Variants in GIMAP8 observed in about 807,000 individuals in gnomAD.
GIMAP8 encodes GTPase IMAP family member 8.
A neutral mutation model predicts 35.6 loss-of-function variants in GIMAP8; 29 were observed. That is an observed-to-expected ratio of 0.81 (90% CI 0.61 to 1.11). The LOEUF is 1.11. GIMAP8 is among the 50% of genes most tolerant of loss of function. The pLI, the probability that GIMAP8 is intolerant of heterozygous loss-of-function variation, is 0.00. For synonymous variants in GIMAP8, 335 were observed against 308.7 expected (o/e 1.09, Z -0.89); for missense variants, 811 against 805.0 (o/e 1.01, Z -0.09).
At chr7:150,471,300 C>T (rs1802084535) in intron 3 of GIMAP8, among the ~76,000 whole-genome samples, 1 of 152,206 alleles carries the variant, frequency 6.6e-6, no homozygotes, top group Non-Finnish European at 1.5e-5. Context: ...ATGATAGATC[C>T]TGCACATCTG....
intron 1 of GIMAP8, among the ~76,000 whole-genome samples, chr7:150,459,768 A>G (rs1801807022): frequency 6.6e-6 from 1 of 152,156 alleles, no homozygotes; most frequent in African/African-American, 2.4e-5. Flanking sequence ...TTTGCTGTGA[A>G]GTGAGTTCCT....
At chr7:150,462,976 A>C (rs1462312009) in intron 1 of GIMAP8, among the ~76,000 whole-genome samples, 1 of 152,144 alleles carries the variant, frequency 6.6e-6, no homozygotes, top group Non-Finnish European at 1.5e-5. Context: ...TCAAAATTCA[A>C]GTATTTGTTT....
Position 150,472,220 on chromosome 7 carries a change from A to G in GIMAP8, c.682+1346A>G, listed in dbSNP as rs1379129788. ...TTTTTATAGGATGTGGGCTCATGTT[A>G]GGTGATTCTGAGGAAGGTTCCAGGA... On this transcript the variant is annotated intron_variant, in intron 3 of 4. Transcript: ENST00000307271. This position sits in a 1 kb window ranked among gnomAD's most constrained non-coding sequence, Gnocchi z 4.1. Among the ~76,000 whole-genome samples the G allele has an allele frequency of 6.6e-6, 1 of 152,172 alleles. No individual in the cohort carries two copies. The highest frequency in any genetic ancestry group is 1.5e-5 in the Non-Finnish European group (1 of 68,014).
At chr7:150,473,542 G>A (rs772685674) in intron 3 of GIMAP8, among the ~76,000 whole-genome samples, 3 of 147,992 alleles carry the variant, frequency 2.0e-5, no homozygotes, top group South Asian at 2.2e-4. Flanking sequence ...TTTACTTAGC[G>A]TGTTTTTTTG....
rs1801613349 is a variant in GIMAP8 at position 150,451,714 on chromosome 7, A to G, written c.-29+539A>G. On this transcript the variant is annotated intron_variant, in intron 1 of 4. Transcript: ENST00000307271. This position sits in a 1 kb window ranked among gnomAD's most constrained non-coding sequence, Gnocchi z 4.1. ...CCTCCCGCAAAGCAGGGGGTGGGGG[A>G]TGCTGATTTTTCCACGTCTGCTTTT... is the stretch of plus-strand genomic sequence containing the variant. Among the ~76,000 whole-genome samples, 2 of 152,124 alleles carry G rather than the reference A, an allele frequency of 1.3e-5. No homozygotes were observed. The highest frequency in any genetic ancestry group is 4.2e-4 in the South Asian group (2 of 4,816).
chr7:150,466,733 G>A lies in GIMAP8; in HGVS notation c.35G>A (p.Arg12Gln), dbSNP rs762686337. Residue 12 changes from arginine to glutamine, a missense_variant, in exon 2 of 5, where the codon CGG (arginine) becomes CAG (glutamine). Coordinates refer to ENST00000307271, the MANE Select transcript of GIMAP8 (RefSeq NM_175571.4). ...CAGAGCTGCCAGATGTCCGAACTGC[G>A]GCTCCTCCTCCTGGGAAAATGCCGC... ...SEQSCQMSELRLLLLGKCRSG... is the reference protein window; with the variant it reads ...SEQSCQMSELQLLLLGKCRSG... 22 of 1,614,098 alleles carry A rather than the reference G, an allele frequency of 1.4e-5. No individual in the cohort carries two copies. Among genetic ancestry groups the A allele is most frequent in the East Asian group, 4.5e-5 (2 of 44,900 alleles).
intron 1 of GIMAP8, among the ~76,000 whole-genome samples, chr7:150,461,630 G>A (rs1335621596): frequency 6.6e-6 from 1 of 152,044 alleles, no homozygotes; most frequent in Non-Finnish European, 1.5e-5. Context: ...TTTCTTGTAA[G>A]CAGCATATAG....
intron 1 of GIMAP8, among the ~76,000 whole-genome samples, chr7:150,465,550 T>G (rs770165742): frequency 6.6e-6 from 1 of 152,220 alleles, no homozygotes; most frequent in Non-Finnish European, 1.5e-5. Context: ...GCAGGATGAC[T>G]GAACAGGTAC....
chr7:150,456,734 A>G (rs959757305), intron 1 of GIMAP8, among the ~76,000 whole-genome samples: 2 of 152,226 alleles, frequency 1.3e-5, no homozygotes, highest in Non-Finnish European at 2.9e-5. Context: ...GCGATGTGTA[A>G]AAGAGAAGGG....
intron 3 of GIMAP8, among the ~76,000 whole-genome samples, chr7:150,471,579 G>C (rs1340243992): frequency 6.6e-6 from 1 of 152,196 alleles, no homozygotes; most frequent in East Asian, 1.9e-4. Flanking sequence ...GCTCATGCCT[G>C]TAATCCCAGC....
At position 150,477,149 on chromosome 7, in the gene GIMAP8, A is replaced by G; in HGVS notation, c.1367A>G (p.Asn456Ser). 6.2e-7 allele frequency: 1 copy of G among 1,613,356 alleles called. No homozygotes were observed. The highest frequency in any genetic ancestry group is 1.3e-5 in the African/African-American group (1 of 74,814). ...RSGTGKSATGNSILGSLVFTS... is the reference protein window; with the variant it reads ...RSGTGKSATGSSILGSLVFTS... The stretch of plus-strand genomic sequence containing the variant: ...GGGACTGGGAAGAGTGCGACCGGGA[A>G]CTCTATCCTGGGGAGCCTCGTCTTC... The change falls in exon 5 of 5, where the codon AAC becomes AGC. Residue 456 changes from asparagine to serine, a missense_variant. By Grantham distance (46) the Asn-to-Ser change is conservative (BLOSUM62 1). Coordinates refer to ENST00000307271, the MANE Select transcript of GIMAP8 (RefSeq NM_175571.4).
intron 2 of GIMAP8, among the ~76,000 whole-genome samples, chr7:150,469,060 G>C (rs1480296672): frequency 1.3e-5 from 2 of 152,166 alleles, no homozygotes; most frequent in Non-Finnish European, 2.9e-5. Context: ...ATGCTCCAGT[G>C]ACTTCCTGCT....
At chr7:150,457,583 G>T (rs531332828) in intron 1 of GIMAP8, among the ~76,000 whole-genome samples, 2 of 152,286 alleles carry the variant, frequency 1.3e-5, no homozygotes, top group East Asian at 3.9e-4. Context: ...ATCAACAAAG[G>T]TTTAGTAACC....
rs187857963 is a variant in GIMAP8, at chr7:150,470,484, G to C, written c.637-345G>C. ...CTGTTGTCTCCATTTGCCAGACTTG[G>C]GGGGGTGGGGAACGGGATTCCAAAT... On this transcript the variant is annotated intron_variant, in intron 2 of 4. Transcript: ENST00000307271. Among the ~76,000 whole-genome samples, 368 of 152,166 alleles carry C rather than the reference G, an allele frequency of 2.4e-3. 1 individual carries two copies. Among genetic ancestry groups the C allele is most frequent in the Admixed American group, 3.7e-3 (56 of 15,282 alleles).
Position 150,477,083 on chromosome 7 carries a change from C to T in GIMAP8, c.1310-9C>T, listed in dbSNP as rs766613797. ...ATGGTCACGAATCTTTCCCACTTTC[C>T]TTTGACAGAAACCCTGAACATTGTC... On this transcript the variant is annotated splice_polypyrimidine_tract_variant and intron_variant, in intron 4 of 4. Coordinates refer to ENST00000307271, the MANE Select transcript of GIMAP8 (RefSeq NM_175571.4). The T allele has an allele frequency of 6.3e-7, 1 of 1,589,724 alleles. No individual in the cohort carries two copies. The highest frequency in any genetic ancestry group is 8.6e-7 in the Non-Finnish European group (1 of 1,161,568).
intron 4 of GIMAP8, among the ~76,000 whole-genome samples, chr7:150,476,780 G>A (rs1244628645): frequency 6.6e-6 from 1 of 152,186 alleles, no homozygotes; most frequent in Non-Finnish European, 1.5e-5. Flanking sequence ...ACAGGTGCCA[G>A]GGAGTCTGTC....
chr7:150,456,918 A>G (rs1224193682), intron 1 of GIMAP8, among the ~76,000 whole-genome samples: 3 of 152,242 alleles, frequency 2.0e-5, no homozygotes, highest in African/African-American at 7.2e-5. Flanking sequence ...GTCATGATAA[A>G]AACAGAATTT....
chr7:150,458,578 C>A (rs1801778361), intron 1 of GIMAP8, among the ~76,000 whole-genome samples: 1 of 152,162 alleles, frequency 6.6e-6, no homozygotes, highest in Admixed American at 6.5e-5. Flanking sequence ...CAGCACATGT[C>A]CTCACCTTAT....
chr7:150,454,766 G>A (rs1428405102), intron 1 of GIMAP8, among the ~76,000 whole-genome samples: 1 of 152,186 alleles, frequency 6.6e-6, no homozygotes, highest in African/African-American at 2.4e-5. Flanking sequence ...GGTAGTAGAT[G>A]TCTCAATACA....
Sources: gnomAD v4.1 joint callset for allele counts (sites outside exome capture counted in the v4.1 genomes callset) on GRCh38, gnomAD v4.1.1 for gene constraint, Gnocchi (gnomAD v3.1) non-coding constraint, MANE v1.5 for transcripts, NCBI Gene and HGNC (gene_info 2026-07-23, HGNC 2026-07-21) for gene names.